The following NAA60 variants were observed in gnomAD, a reference collection of about 807,000 sequenced individuals.
The protein encoded by NAA60 is N-alpha-acetyltransferase 60.
In NAA60, 8 loss-of-function variants were observed where a neutral mutation model predicts 26.1. That is an observed-to-expected ratio of 0.31 (90% CI 0.18 to 0.55). The LOEUF is 0.55. Ranked by LOEUF, NAA60 falls within the 20% of genes least tolerant of loss-of-function variation. The pLI, the probability that NAA60 is intolerant of heterozygous loss-of-function variation, is 0.93. For missense variants in NAA60, 290 were observed against 311.3 expected (o/e 0.93, Z 0.51); for synonymous variants, 131 against 122.5 (o/e 1.07, Z -0.46).
chr16:3,455,893 G>C (rs915789602), intron 2 of NAA60, among the ~76,000 whole-genome samples: 1 of 151,746 alleles, frequency 6.6e-6, no homozygotes, highest in Non-Finnish European at 1.5e-5. Flanking sequence ...TTTTAGTAGC[G>C]ACGGGGTTTC....
rs765916604 is a variant in NAA60, at chr16:3,476,254, G to A, written c.27G>A (p.Ala9=). The A allele has an allele frequency of 5.6e-6, 9 of 1,612,568 alleles. 1 individual carries two copies. Among genetic ancestry groups the A allele is most frequent in the African/African-American group, 5.3e-5 (4 of 74,844 alleles). The change falls in exon 3 of 8, where the codon GCG becomes GCA. Residue 9 remains alanine (A), a synonymous_variant. Coordinates refer to ENST00000407558, the MANE Select transcript of NAA60 (RefSeq NM_001083601.3). ...TGACAGAGGTGGTGCCATCCAGCGC[G>A]CTCAGCGAGGTCAGCCTGCGCCTCC... MTEVVPSS[A]LSEVSLRLLC... is the part of the protein sequence containing the mutation.
In NAA60 at chr16:3,483,442, C is replaced by T. The variant is rs2036973584; in HGVS notation, c.417C>T (p.Val139=). The change falls in exon 6 of 8, where the codon GTC becomes GTT. Residue 139 remains valine, a synonymous_variant. Coordinates refer to ENST00000407558, the MANE Select transcript of NAA60 (RefSeq NM_001083601.3). The stretch of plus-strand genomic sequence containing the variant: ...ACTGCAAAGCCATTTACCTGCATGT[C>T]CTCACCACCAACAACACAGCAATAA... ...QDHCKAIYLH[V]LTTNNTAINF... is the part of the protein sequence containing the mutation. 2 of 1,613,878 alleles carry T rather than the reference C, an allele frequency of 1.2e-6. No individual in the cohort carries two copies. The highest frequency in any genetic ancestry group is 4.5e-5 in the East Asian group (2 of 44,896).
intron 1 of NAA60, chr16:3,447,584 GAC>G (rs1165653868): frequency 8.1e-6 from 8 of 985,252 alleles, no homozygotes; most frequent in Non-Finnish European, 9.6e-6. Context: ...ATCGGAAACT[GAC>G]ACAGAGCCTT....
At chr16:3,468,444 C>T (rs776011271) in intron 2 of NAA60, among the ~76,000 whole-genome samples, 3 of 152,204 alleles carry the variant, frequency 2.0e-5, no homozygotes, top group Non-Finnish European at 2.9e-5. Flanking sequence ...TCAGGGGGCT[C>T]AGCTTGGCTC....
chr16:3,456,325 C>G (rs1313532150), intron 2 of NAA60, among the ~76,000 whole-genome samples: 6 of 152,198 alleles, frequency 3.9e-5, no homozygotes, highest in Non-Finnish European at 7.3e-5. Flanking sequence ...GGACCGCAGA[C>G]TGCACTGAGT....
At chr16:3,466,342 G>A (rs937518482) in intron 2 of NAA60, among the ~76,000 whole-genome samples, 1 of 152,206 alleles carries the variant, frequency 6.6e-6, no homozygotes, top group Admixed American at 6.5e-5. Context: ...CTTGTCACCC[G>A]GCAAATGATT....
chr16:3,469,131 A>AAT (rs1306813098), intron 2 of NAA60, among the ~76,000 whole-genome samples: 1 of 151,844 alleles, frequency 6.6e-6, no homozygotes, highest in Admixed American at 6.6e-5. Context: ...TCTCCCGTGC[A>AAT]ATACTTCCCT....
At chr16:3,455,206 C>T (rs1241099268) in intron 2 of NAA60, among the ~76,000 whole-genome samples, 1 of 151,926 alleles carries the variant, frequency 6.6e-6, no homozygotes, top group Admixed American at 6.6e-5. Context: ...CATGTACCAC[C>T]ATGCTCAGCA....
intron 2 of NAA60, among the ~76,000 whole-genome samples, chr16:3,471,812 G>C (rs752123133): frequency 6.6e-6 from 1 of 152,198 alleles, no homozygotes; most frequent in African/African-American, 2.4e-5. Flanking sequence ...GGGTGGCCAG[G>C]TGGGCAGCCT....
rs1272923511 is a variant in NAA60 at position 3,486,222 on chromosome 16, C to T, written c.*962C>T. The T allele has an allele frequency of 6.3e-6, 1 of 157,540 alleles. No individual in the cohort carries two copies. The highest frequency in any genetic ancestry group is 1.9e-4 in the East Asian group (1 of 5,226). 9.8% of individuals were successfully genotyped at this position (157,540 alleles called of 1,614,324 possible). ...CAGCCTCTGAGGGCAGAGATGCTGT[C>T]AGTGCCGCAGGTGCATCACATACTT... On this transcript the variant is annotated 3_prime_UTR_variant, in exon 8 of 8. Transcript: ENST00000407558.
chr16:3,463,305 T>C (rs531978156), intron 2 of NAA60, among the ~76,000 whole-genome samples: 2 of 151,734 alleles, frequency 1.3e-5, no homozygotes, highest in African/African-American at 4.8e-5. Context: ...CCTAGCACTT[T>C]GGGAGGCCGA....
At chr16:3,473,707 T>TTTGTTGTTGTTGTTGTTG (rs199845048) in intron 2 of NAA60, among the ~76,000 whole-genome samples, 2 of 145,816 alleles carry the variant, frequency 1.4e-5, no homozygotes, top group Non-Finnish European at 3.0e-5. Context: ...GCCCCAGCTT[T>TTTGTTGTTGTTGTTGTTG]TTGTTGTTGT....
chr16:3,451,257 A>C (rs1220274426), intron 2 of NAA60, among the ~76,000 whole-genome samples: 1 of 152,216 alleles, frequency 6.6e-6, no homozygotes, highest in Non-Finnish European at 1.5e-5. Flanking sequence ...CCTTTTATTT[A>C]TGAAAATATA....
chr16:3,479,619 T>C lies in NAA60; in HGVS notation c.240+19T>C, dbSNP rs2151012765. 1 of 1,612,878 alleles carries C rather than the reference T, an allele frequency of 6.2e-7. No individual in the cohort carries two copies. Among genetic ancestry groups the C allele is most frequent in the South Asian group, 1.1e-5 (1 of 90,922 alleles). ...TAAAGAGGTACGTACGTGTGTGCAG[T>C]GAGGACTTGGCAGTCACTGTCATTG... On this transcript the variant is annotated intron_variant, in intron 4 of 7. Transcript: ENST00000407558.
chr16:3,479,664 C>G (rs527691236), intron 4 of NAA60, 64 bp downstream of exon 4: 1 of 1,572,390 alleles, frequency 6.4e-7, no homozygotes, highest in African/African-American at 1.3e-5. Flanking sequence ...AGGGGGCTTG[C>G]GATGGAATCA....
At chr16:3,451,834 C>G (rs1179418543) in intron 2 of NAA60, among the ~76,000 whole-genome samples, 1 of 151,992 alleles carries the variant, frequency 6.6e-6, no homozygotes, top group Non-Finnish European at 1.5e-5. Flanking sequence ...AGCGGAATCA[C>G]TTGAGCCCAG....
At chr16:3,457,970 G>T in intron 2 of NAA60, 3 of 985,126 alleles carry the variant, frequency 3.0e-6, no homozygotes, top group African/African-American at 1.7e-5. Context: ...GCGGGGCCAC[G>T]TGGGGGCGGC....
At chr16:3,481,166 G>A (rs915938389) in intron 4 of NAA60, among the ~76,000 whole-genome samples, 2 of 151,754 alleles carry the variant, frequency 1.3e-5, no homozygotes, top group African/African-American at 4.8e-5. Flanking sequence ...ATCACCCAGG[G>A]TGGAGTGCAG....
chr16:3,468,921 A>G (rs763339697), intron 2 of NAA60, among the ~76,000 whole-genome samples: 2 of 152,042 alleles, frequency 1.3e-5, no homozygotes, highest in Non-Finnish European at 2.9e-5. Flanking sequence ...CCTTGTCTCT[A>G]CTACAAATAC....
Sources: allele counts gnomAD v4.1 joint callset (sites outside exome capture counted in the v4.1 genomes callset), GRCh38; gene constraint gnomAD v4.1.1; transcripts MANE v1.5; gene names NCBI Gene and HGNC (gene_info 2026-07-23, HGNC 2026-07-21).